Variants in MACROD2 observed in about 807,000 individuals in gnomAD.
MACROD2 encodes the protein ADP-ribose glycohydrolase MACROD2.
MACROD2 carries 36 observed loss-of-function variants against 70.4 expected under a neutral mutation model. The observed-to-expected ratio is 0.51, with a 90% CI of 0.39 to 0.68. The LOEUF (loss-of-function observed/expected upper bound fraction) is 0.68. Among genes scored for constraint, MACROD2 ranks in the 30% least tolerant of loss-of-function variants. The probability of loss-of-function intolerance (pLI) is 0.00; values close to 1 mark genes in which losing one functional copy is unlikely to be tolerated. For missense variants in MACROD2, 496 were observed against 538.4 expected (o/e 0.92, Z 0.78); for synonymous variants, 172 against 178.8 (o/e 0.96, Z 0.30).
At chr20:14,808,414 T>G (rs988614115) in intron 5 of MACROD2, among the ~76,000 whole-genome samples, 1 of 152,030 alleles carries the variant, frequency 6.6e-6, no homozygotes, top group African/African-American at 2.4e-5. Context: ...AGACCTGCCT[T>G]ACAAGAGCTC....
intron 8 of MACROD2, among the ~76,000 whole-genome samples, chr20:15,819,511 C>T (rs549085418): frequency 1.4e-3 from 201 of 142,232 alleles, no homozygotes; most frequent in African/African-American, 4.6e-3. Context: ...ATATCTATAT[C>T]GATATATTTA....
intron 5 of MACROD2, among the ~76,000 whole-genome samples, chr20:14,981,631 A>G (rs2074802040): frequency 6.6e-6 from 1 of 151,904 alleles, no homozygotes; most frequent in Admixed American, 6.6e-5. Context: ...GTCTTGCGAG[A>G]TCTGGTGGCT....
intron 8 of MACROD2, among the ~76,000 whole-genome samples, chr20:15,730,173 A>G (rs1481092274): frequency 2.0e-5 from 3 of 152,106 alleles, no homozygotes; most frequent in Non-Finnish European, 4.4e-5. Context: ...GTGCCTTTTA[A>G]TTGGGACATT....
At chr20:14,467,518 C>T (rs1049895607) in intron 3 of MACROD2, among the ~76,000 whole-genome samples, 3 of 152,178 alleles carry the variant, frequency 2.0e-5, no homozygotes, top group Non-Finnish European at 2.9e-5. Flanking sequence ...CTTTGGCTCA[C>T]GCATGGTGCG....
chr20:15,392,037 T>A (rs1249200351), intron 6 of MACROD2, among the ~76,000 whole-genome samples: 1 of 152,102 alleles, frequency 6.6e-6, no homozygotes, highest in Non-Finnish European at 1.5e-5. Flanking sequence ...TTTTTTTAAG[T>A]GGGGAAAACT....
intron 3 of MACROD2, among the ~76,000 whole-genome samples, chr20:14,237,860 C>G (rs1204702902): frequency 1.3e-5 from 2 of 152,052 alleles, no homozygotes; most frequent in African/African-American, 4.8e-5. Context: ...CATGTCCCCA[C>G]AAAGGACATG....
chr20:14,756,400 A>T (rs549299010), intron 5 of MACROD2, among the ~76,000 whole-genome samples: 50 of 152,234 alleles, frequency 3.3e-4, no homozygotes, highest in African/African-American at 1.1e-3. Context: ...TGCATTTGAC[A>T]TAATTTATGA....
intron 5 of MACROD2, among the ~76,000 whole-genome samples, chr20:15,178,888 C>G (rs6105370): frequency 6.6e-6 from 1 of 152,028 alleles, no homozygotes; most frequent in Admixed American, 6.6e-5. Flanking sequence ...GGGTAGTGAC[C>G]ACAGTATAGC....
chr20:15,948,956 A>T (rs545510559), intron 12 of MACROD2, among the ~76,000 whole-genome samples: 1 of 152,294 alleles, frequency 6.6e-6, no homozygotes, highest in East Asian at 1.9e-4. Flanking sequence ...TGTCCAACAT[A>T]GTGTTTTGGA....
At chr20:14,561,892 G>C (rs1455628815) in intron 4 of MACROD2, among the ~76,000 whole-genome samples, 2 of 151,702 alleles carry the variant, frequency 1.3e-5, no homozygotes. Context: ...GAAACAATTG[G>C]TATGAGAAAC....
intron 5 of MACROD2, among the ~76,000 whole-genome samples, chr20:14,744,934 C>G (rs1223537678): frequency 6.6e-6 from 1 of 152,090 alleles, no homozygotes; most frequent in Non-Finnish European, 1.5e-5. Context: ...TTTTCAGCCA[C>G]TAAGTTTTGG....
At chr20:14,944,192 G>A (rs1194775501) in intron 5 of MACROD2, among the ~76,000 whole-genome samples, 6 of 152,080 alleles carry the variant, frequency 3.9e-5, no homozygotes. Context: ...ATGAGAAAGT[G>A]GAAGAGGAAG....
At chr20:14,388,710 A>AG (rs1308005479) in intron 3 of MACROD2, among the ~76,000 whole-genome samples, 5 of 152,034 alleles carry the variant, frequency 3.3e-5, no homozygotes, top group African/African-American at 7.3e-5. Flanking sequence ...GCACATCTCA[A>AG]GCAATTCTAT....
intron 7 of MACROD2, among the ~76,000 whole-genome samples, chr20:15,492,549 T>A (rs1206826624): frequency 6.6e-6 from 1 of 152,202 alleles, no homozygotes; most frequent in East Asian, 1.9e-4. Context: ...ATTATGGCTA[T>A]GTTCTCTGAA....
intron 12 of MACROD2, among the ~76,000 whole-genome samples, chr20:15,956,462 C>T (rs894753864): frequency 6.6e-6 from 1 of 152,200 alleles, no homozygotes; most frequent in African/African-American, 2.4e-5. Context: ...GAGAGCTGTG[C>T]ATCCCTCCTC....
intron 3 of MACROD2, among the ~76,000 whole-genome samples, chr20:14,140,214 G>A (rs540413805): frequency 1.3e-5 from 2 of 152,176 alleles, no homozygotes; most frequent in Non-Finnish European, 2.9e-5. Context: ...TCATTTACTA[G>A]GATTTTGACC....
At chr20:15,365,675 T>C (rs560257521) in intron 6 of MACROD2, among the ~76,000 whole-genome samples, 87 of 150,880 alleles carry the variant, frequency 5.8e-4, no homozygotes, top group Non-Finnish European at 1.1e-3. Context: ...AAAAAAAAAA[T>C]TGGAAGAAAA....
At chr20:14,193,263 A>G (rs1007725295) in intron 3 of MACROD2, among the ~76,000 whole-genome samples, 3 of 152,210 alleles carry the variant, frequency 2.0e-5, no homozygotes, top group Non-Finnish European at 2.9e-5. Flanking sequence ...CCACAGAGCC[A>G]GGGATAGAAG....
intron 3 of MACROD2, among the ~76,000 whole-genome samples, chr20:14,349,247 T>C (rs1233262518): frequency 6.6e-6 from 1 of 151,380 alleles, no homozygotes; most frequent in Non-Finnish European, 1.5e-5. Context: ...TTATAACTTA[T>C]TTGTTTTTTA....
Sources: allele counts gnomAD v4.1 joint callset (sites outside exome capture counted in the v4.1 genomes callset), GRCh38; gene constraint gnomAD v4.1.1; transcripts MANE v1.5; gene names NCBI Gene and HGNC (gene_info 2026-07-23, HGNC 2026-07-21).